Variants in DCC observed in about 807,000 individuals in gnomAD.
The protein encoded by DCC is netrin receptor DCC.
A neutral mutation model predicts 172.5 loss-of-function variants in DCC; 58 were observed. The observed-to-expected ratio is 0.34, with a 90% CI of 0.27 to 0.42. DCC has a LOEUF of 0.42. Ranked by LOEUF, DCC falls within the 10% of genes least tolerant of loss-of-function variation. The probability of loss-of-function intolerance (pLI) is 1.00; values close to 1 mark genes in which losing one functional copy is unlikely to be tolerated. For synonymous variants in DCC, 709 were observed against 644.5 expected (o/e 1.10, Z -1.52); for missense variants, 1,740 against 1,791.0 (o/e 0.97, Z 0.51).
At position 53,061,599 on chromosome 18, in the gene DCC, A is replaced by C. The variant is rs141646279; in HGVS notation, c.986-1706A>C. Among the ~76,000 whole-genome samples, 321 of 152,290 alleles carry C rather than the reference A, an allele frequency of 2.1e-3. 1 individual carries two copies. Among genetic ancestry groups the C allele is most frequent in the Non-Finnish European group, 1.7e-3 (116 of 68,008 alleles). On this transcript the variant is annotated intron_variant, in intron 5 of 28. Coordinates refer to ENST00000442544, the MANE Select transcript of DCC (RefSeq NM_005215.4). ...ATGACTCTAATTGCTTATCACAATT[A>C]TCTCTCAGGCTCTGGAAGTATTATT...
intron 12 of DCC, among the ~76,000 whole-genome samples, chr18:53,277,241 G>A (rs776273820): frequency 7.2e-5 from 11 of 152,078 alleles, no homozygotes; most frequent in East Asian, 5.8e-4. Context: ...AGGCCAAGGC[G>A]GGAGGATCAC....
At chr18:53,203,364 C>T (rs2055574550) in intron 9 of DCC, among the ~76,000 whole-genome samples, 1 of 151,716 alleles carries the variant, frequency 6.6e-6, no homozygotes, top group Admixed American at 6.6e-5. Flanking sequence ...CTTAAAATTT[C>T]CTTTGGTTTT....
chr18:53,140,144 A>G (rs1334459909), intron 7 of DCC, among the ~76,000 whole-genome samples: 1 of 152,236 alleles, frequency 6.6e-6, no homozygotes, highest in Non-Finnish European at 1.5e-5. Flanking sequence ...TCAGCTGAAT[A>G]AAACATTTTA....
intron 15 of DCC, among the ~76,000 whole-genome samples, chr18:53,345,987 T>TTTA (rs1300747206): frequency 2.0e-5 from 3 of 151,936 alleles, no homozygotes; most frequent in Admixed American, 6.6e-5. Flanking sequence ...TGTTTTAAGT[T>TTTA]TTATTATTAT....
chr18:52,737,303 G>A (rs2036745116), intron 1 of DCC, among the ~76,000 whole-genome samples: 1 of 152,076 alleles, frequency 6.6e-6, no homozygotes, highest in Non-Finnish European at 1.5e-5. Context: ...GTGATACTTT[G>A]ACAGTTCCCT....
At chr18:52,535,722 A>G in intron 1 of DCC, among the ~76,000 whole-genome samples, 1 of 152,362 alleles carries the variant, frequency 6.6e-6, no homozygotes, top group Middle Eastern at 3.4e-3. Flanking sequence ...TCTATTTGAA[A>G]TAAAAATAAT....
chr18:53,086,318 T>C lies in DCC; in HGVS notation c.1261+20152T>C, dbSNP rs1182347119. Reference sequence around the variant, plus strand: ...TCTTCCTTTCTTCTTCTTCTTCTTCTTCTTCCTTTCTTCTTCTTCTTCTTC... The same window carrying C: ...TCTTCCTTTCTTCTTCTTCTTCTTCCTCTTCCTTTCTTCTTCTTCTTCTTC... On this transcript the variant is annotated intron_variant, in intron 7 of 28. Transcript: ENST00000442544. Among the ~76,000 whole-genome samples the C allele has an allele frequency of 1.8e-4, 7 of 39,986 alleles. 2 individuals carry two copies. Among genetic ancestry groups the C allele is most frequent in the African/African-American group, 8.0e-4 (2 of 2,504 alleles). The allele number at this position is 39,986 out of a possible 152,430, so 26.2% of individuals were successfully genotyped here.
At chr18:53,178,903 G>A in intron 8 of DCC, 59 bp from the exon 9 acceptor site, 1 of 1,597,372 alleles carries the variant, frequency 6.3e-7, no homozygotes, top group Non-Finnish European at 8.6e-7. Context: ...ATCAAATACA[G>A]ATTTTGGCTG....
chr18:52,771,175 C>A (rs1270698144), intron 2 of DCC, among the ~76,000 whole-genome samples: 2 of 152,200 alleles, frequency 1.3e-5, no homozygotes, highest in Non-Finnish European at 2.9e-5. Context: ...AGCATTAGAG[C>A]TGGTGCTTGA....
intron 16 of DCC, 137 bp downstream of exon 16, chr18:53,386,275 A>T (rs1908163266): frequency 1.4e-6 from 1 of 693,014 alleles, no homozygotes; most frequent in Admixed American, 2.2e-5. Context: ...GAGAATAATT[A>T]TCCTCTGAGT....
At chr18:52,361,130 T>A (rs1984600188) in intron 1 of DCC, among the ~76,000 whole-genome samples, 1 of 152,236 alleles carries the variant, frequency 6.6e-6, no homozygotes, top group East Asian at 1.9e-4. Flanking sequence ...AACTTTAATA[T>A]ACATTTCTAT....
At chr18:52,461,918 G>A (rs887908480) in intron 1 of DCC, among the ~76,000 whole-genome samples, 9 of 152,174 alleles carry the variant, frequency 5.9e-5, no homozygotes, top group African/African-American at 2.2e-4. Flanking sequence ...CCAAAACCCA[G>A]CGCCTTATCT....
At chr18:52,814,020 A>C (rs920532529) in intron 2 of DCC, among the ~76,000 whole-genome samples, 1 of 152,190 alleles carries the variant, frequency 6.6e-6, no homozygotes, top group African/African-American at 2.4e-5. Flanking sequence ...CTTCATAACC[A>C]TTACAATAGC....
At chr18:53,519,227 T>C (rs554611165) in intron 27 of DCC, among the ~76,000 whole-genome samples, 2 of 152,226 alleles carry the variant, frequency 1.3e-5, no homozygotes, top group South Asian at 4.1e-4. Flanking sequence ...CCAAAGAAAT[T>C]AGACTATCGA....
At chr18:53,240,515 A>G (rs1023201608) in intron 12 of DCC, among the ~76,000 whole-genome samples, 1 of 152,214 alleles carries the variant, frequency 6.6e-6, no homozygotes, top group African/African-American at 2.4e-5. Context: ...ATATTTGTAG[A>G]CAATGTATTA....
intron 12 of DCC, among the ~76,000 whole-genome samples, chr18:53,263,124 A>G (rs1015179415): frequency 6.6e-6 from 1 of 152,160 alleles, no homozygotes; most frequent in Non-Finnish European, 1.5e-5. Context: ...AATGAATTCA[A>G]CAATATGCAG....
chr18:53,251,672 AGT>A (rs1172696378), intron 12 of DCC, among the ~76,000 whole-genome samples: 2 of 151,712 alleles, frequency 1.3e-5, no homozygotes, highest in African/African-American at 4.8e-5. Flanking sequence ...TGCGTGTGTG[AGT>A]GTGTGTGTGC....
At chr18:52,599,916 C>G (rs962856722) in intron 1 of DCC, among the ~76,000 whole-genome samples, 1 of 152,262 alleles carries the variant, frequency 6.6e-6, no homozygotes, top group Admixed American at 6.5e-5. Context: ...CGCCCCTGTT[C>G]TAACCATTGT....
chr18:52,504,468 C>T lies in DCC; in HGVS notation c.91+163590C>T, dbSNP rs555730242. 9.9e-5 allele frequency among the ~76,000 whole-genome samples: 15 copies of T among 152,198 alleles called. No homozygotes were observed. In the East Asian group the frequency reaches 2.7e-3, roughly 28 times the overall value. On this transcript the variant is annotated intron_variant, in intron 1 of 28. Transcript: ENST00000442544. ...CAGCTTTGAATGAAAGCTCGCAGCT[C>T]ACAAAAGACTGAACAAGCTAGGGCC... is the stretch of plus-strand genomic sequence containing the variant.
Sources: gnomAD v4.1 joint callset for allele counts (sites outside exome capture counted in the v4.1 genomes callset) on GRCh38, gnomAD v4.1.1 for gene constraint, MANE v1.5 for transcripts, NCBI Gene and HGNC (gene_info 2026-07-23, HGNC 2026-07-21) for gene names.